Variants in TTLL6 observed in about 807,000 individuals in gnomAD.
The protein encoded by TTLL6 is tubulin tyrosine ligase like 6.
Under a neutral mutation model 96.4 loss-of-function variants are expected in TTLL6, and 75 were observed. That is an observed-to-expected ratio of 0.78 (90% confidence interval 0.65 to 0.94). The LOEUF is 0.94. TTLL6 is among the 40% of genes least tolerant of loss of function. The pLI, the probability that TTLL6 is intolerant of heterozygous loss-of-function variation, is 0.00. For synonymous variants in TTLL6, 411 were observed against 419.4 expected, an observed-to-expected ratio of 0.98 and a Z score of 0.24; for missense variants, 1,030 against 1,093.0, an observed-to-expected ratio of 0.94 and a Z score of 0.81.
intron 8 of TTLL6, chr17:48,794,180 A>G (rs2039278771): frequency 1.2e-6 from 2 of 1,613,782 alleles, no homozygotes; most frequent in South Asian, 2.2e-5. Context: ...AGGCAGAACA[A>G]CACTTGAAGC....
intron 8 of TTLL6, 66 bp from the exon 9 acceptor site, chr17:48,791,669 C>T: frequency 7.2e-7 from 1 of 1,384,872 alleles, no homozygotes; most frequent in Non-Finnish European, 9.9e-7. Flanking sequence ...CCATGGCATG[C>T]TGGAAACCAG....
intron 13 of TTLL6, among the ~76,000 whole-genome samples, chr17:48,774,230 G>GTTTT (rs753077737): frequency 0.2 from 23,218 of 113,698 alleles, 2,992 homozygotes; most frequent in Admixed American, 0.27. Flanking sequence ...ATCCAGGTTT[G>GTTTT]TTGTTTTTTT....
At chr17:48,780,246 A>G (rs1369841829) in intron 13 of TTLL6, among the ~76,000 whole-genome samples, 2 of 152,156 alleles carry the variant, frequency 1.3e-5, no homozygotes, top group African/African-American at 4.8e-5. Flanking sequence ...CCTGGGTCCA[A>G]GCAATTCTCC....
intron 15 of TTLL6, among the ~76,000 whole-genome samples, 161 bp downstream of exon 15, chr17:48,768,828 C>T (rs2038670699): frequency 6.6e-6 from 1 of 152,252 alleles, no homozygotes; most frequent in Admixed American, 6.5e-5. Flanking sequence ...AGGCATGAGC[C>T]ACTGCACCCA....
intron 3 of TTLL6, among the ~76,000 whole-genome samples, chr17:48,802,008 G>C (rs1371484711): frequency 6.7e-6 from 1 of 149,836 alleles, no homozygotes; most frequent in Non-Finnish European, 1.5e-5. Flanking sequence ...TCATGCCACT[G>C]CACTTGAGCC....
rs202132591 is a variant in TTLL6 at position 48,804,803 on chromosome 17, G to A, written c.292C>T (p.Gln98Ter). 261 of 1,552,100 alleles carry A rather than the reference G, an allele frequency of 1.7e-4. 1 individual carries two copies. Among genetic ancestry groups the A allele is most frequent in the Admixed American group, 7.7e-4 (39 of 50,948 alleles). ...GAQNGLQNAQ[Q>*]QGKKKRKKKR... ...TTCTTCCTCTTCTTCTTGCCTTGCTGCTGGGCATTCTGAAGTCCGTTTTGT... is the reference window on the plus strand; with the variant it reads ...TTCTTCCTCTTCTTCTTGCCTTGCTACTGGGCATTCTGAAGTCCGTTTTGT... The change falls in exon 2 of 16, where the codon CAG becomes TAG. Residue 98 changes from glutamine (Q) to a stop codon, truncating the protein, a stop_gained. Coordinates refer to ENST00000393382, the MANE Select transcript of TTLL6 (RefSeq NM_001130918.3). LOFTEE classifies it high-confidence loss of function.
At chr17:48,767,652 T>A (rs1324414301) in intron 15 of TTLL6, among the ~76,000 whole-genome samples, 1 of 152,178 alleles carries the variant, frequency 6.6e-6, no homozygotes, top group Non-Finnish European at 1.5e-5. Flanking sequence ...ATCTCTAGCC[T>A]TCTTCTTTAG....
chr17:48,802,138 GAAA>G (rs1567733761), intron 3 of TTLL6, among the ~76,000 whole-genome samples: 45 of 110,482 alleles, frequency 4.1e-4, no homozygotes, highest in African/African-American at 1.3e-3. Context: ...AAGAAAGAAA[GAAA>G]GAAAGAAAGA....
chr17:48,802,325 C>G (rs549826952), intron 3 of TTLL6, among the ~76,000 whole-genome samples: 2 of 152,320 alleles, frequency 1.3e-5, no homozygotes, highest in African/African-American at 4.8e-5. Flanking sequence ...GGAATATAAA[C>G]TAATCCTTAA....
At chr17:48,766,208 G>C (rs1228150537) in intron 15 of TTLL6, among the ~76,000 whole-genome samples, 1 of 152,146 alleles carries the variant, frequency 6.6e-6, no homozygotes, top group African/African-American at 2.4e-5. Context: ...GCTTGGGGGT[G>C]GGGAGAGAAA....
intron 1 of TTLL6, among the ~76,000 whole-genome samples, chr17:48,806,638 G>A (rs575139070): frequency 1.3e-5 from 2 of 152,128 alleles, no homozygotes; most frequent in African/African-American, 2.4e-5. Context: ...TAACATTAAA[G>A]GAGGCTTAGA....
intron 2 of TTLL6, 42 bp from the exon 3 acceptor site, chr17:48,803,970 C>A (rs1451648741): frequency 1.3e-6 from 2 of 1,547,474 alleles, no homozygotes; most frequent in Admixed American, 2.0e-5. Flanking sequence ...GACAGAGACA[C>A]ACTTGCCAGA....
intron 13 of TTLL6, 103 bp downstream of exon 13, chr17:48,784,820 G>A: frequency 1.1e-6 from 1 of 913,114 alleles, no homozygotes; most frequent in Non-Finnish European, 1.7e-6. Flanking sequence ...GGCCCAGGGA[G>A]GCTCAGTGGC....
intron 3 of TTLL6, among the ~76,000 whole-genome samples, chr17:48,802,671 G>C (rs2039445367): frequency 6.6e-6 from 1 of 152,224 alleles, no homozygotes. Context: ...AGGAGTTCGA[G>C]ACCAGCCTGG....
At chr17:48,805,092 C>A in intron 1 of TTLL6, 101 bp from the exon 2 acceptor site, 1 of 938,932 alleles carries the variant, frequency 1.1e-6, no homozygotes, top group Non-Finnish European at 1.6e-6. Context: ...TAATTCAACG[C>A]AACAGGTTGC....
intron 13 of TTLL6, among the ~76,000 whole-genome samples, chr17:48,772,513 C>T (rs2038767936): frequency 6.6e-6 from 1 of 151,922 alleles, no homozygotes; most frequent in Non-Finnish European, 1.5e-5. Context: ...GGGCGGATCA[C>T]GAGGTCAAGA....
Position 48,791,365 on chromosome 17 carries a change from CA to C in TTLL6, c.1224+12del, listed in dbSNP as rs757864868. 3 of 1,612,786 alleles carry C rather than the reference CA, an allele frequency of 1.9e-6. No individual in the cohort carries two copies. In the South Asian group the frequency reaches 3.3e-5, roughly 18 times the overall value. On this transcript the variant is annotated intron_variant, in intron 9 of 15. Coordinates refer to ENST00000393382, the MANE Select transcript of TTLL6 (RefSeq NM_001130918.3). ...CAGGAGTTCGTTTTCGCCCCTCGCC[CA>C]AACTTCCCTACCTCCAGCAGCCAGG...
chr17:48,766,480 C>T (rs1173377370), intron 15 of TTLL6, among the ~76,000 whole-genome samples: 1 of 152,208 alleles, frequency 6.6e-6, no homozygotes, highest in African/African-American at 2.4e-5. Flanking sequence ...TCTTCCCTTT[C>T]TTCGTGTGGC....
Position 48,791,557 on chromosome 17 carries a change from C to T in TTLL6, c.1045G>A (p.Val349Met), listed in dbSNP as rs754904244. 18 of 1,613,956 alleles carry T rather than the reference C, an allele frequency of 1.1e-5. No individual in the cohort carries two copies. The highest frequency in any genetic ancestry group is 1.7e-5 in the Admixed American group (1 of 59,984). The change falls in exon 9 of 16, where the codon GTG becomes ATG. Residue 349 changes from valine to methionine, a missense_variant. Val to Met is a conservative substitution (Grantham distance 21). Transcript: ENST00000393382. ...SAYLEDHSYN[V>M]EQIWRDIEDV... ...TCAATATCCCTCCATATCTGCTCCA[C>T]GTTGTAGCTGTGGTCCTCCAAGTAT... is the stretch of plus-strand genomic sequence containing the variant.
Sources: allele counts gnomAD v4.1 joint callset (sites outside exome capture counted in the v4.1 genomes callset), GRCh38; gene constraint gnomAD v4.1.1; transcripts MANE v1.5; gene names NCBI Gene and HGNC (gene_info 2026-07-23, HGNC 2026-07-21).